Variants in ZBBX observed in about 807,000 individuals in gnomAD.
ZBBX encodes zinc finger B-box domain-containing protein 1.
ZBBX carries 101 observed loss-of-function variants against 108.5 expected under a neutral mutation model. The observed-to-expected ratio is 0.93, with a 90% CI of 0.79 to 1.10. ZBBX has a LOEUF of 1.10. Among genes scored for constraint, ZBBX ranks in the 50% least tolerant of loss-of-function variants. The pLI is 0.00. For missense variants in ZBBX, 1,009 were observed against 941.4 expected, an observed-to-expected ratio of 1.07 and a Z score of -0.94; for synonymous variants, 356 against 323.4, an observed-to-expected ratio of 1.10 and a Z score of -1.08.
At chr3:167,279,313 G>C (rs969080707) in intron 20 of ZBBX, among the ~76,000 whole-genome samples, 5 of 151,254 alleles carry the variant, frequency 3.3e-5, no homozygotes, top group East Asian at 1.9e-4. Context: ...AATTGTCCCT[G>C]TTTGCAGACG....
chr3:167,318,961 G>A (rs771585212), intron 12 of ZBBX, among the ~76,000 whole-genome samples: 42 of 151,926 alleles, frequency 2.8e-4, no homozygotes, highest in Non-Finnish European at 4.9e-4. Context: ...ACCAAGTGTT[G>A]GCAGGGATTT....
At chr3:167,391,032 G>A (rs1748070303) in intron 1 of ZBBX, among the ~76,000 whole-genome samples, 1 of 152,116 alleles carries the variant, frequency 6.6e-6, no homozygotes, top group African/African-American at 2.4e-5. Flanking sequence ...TTGAATACTA[G>A]TGGTGAGAGA....
At chr3:167,214,645 T>C in the ZBBX span, among the ~76,000 whole-genome samples, 8 of 152,112 alleles carry the variant, frequency 5.3e-5, no homozygotes, top group Non-Finnish European at 1.2e-4. Flanking sequence ...ATGGATCTGA[T>C]TGACCTCTGC....
intron 20 of ZBBX, among the ~76,000 whole-genome samples, chr3:167,280,639 CT>C (rs1728627459): frequency 1.3e-5 from 2 of 150,642 alleles, no homozygotes; most frequent in African/African-American, 4.9e-5. Context: ...AATAGGAACA[CT>C]TTTACACTGT....
At chr3:167,183,073 G>T in the ZBBX span, among the ~76,000 whole-genome samples, 1 of 152,180 alleles carries the variant, frequency 6.6e-6, no homozygotes, top group African/African-American at 2.4e-5. Flanking sequence ...TGGAGGGTTA[G>T]CCACTCTTTT....
the ZBBX span, among the ~76,000 whole-genome samples, chr3:167,220,835 G>A: frequency 2.6e-5 from 4 of 151,892 alleles, no homozygotes; most frequent in South Asian, 8.3e-4. Context: ...AAAGTCTAAA[G>A]ACCACCAAAA....
chr3:167,273,017 A>C (rs1281059109), intron 20 of ZBBX, among the ~76,000 whole-genome samples: 1 of 152,202 alleles, frequency 6.6e-6, no homozygotes, highest in African/African-American at 2.4e-5. Flanking sequence ...AGTCGCTTCT[A>C]TAACATAGGA....
At chr3:167,305,479 A>T (rs73879658) in intron 17 of ZBBX, among the ~76,000 whole-genome samples, 164 bp downstream of exon 17, 2,624 of 152,220 alleles carry the variant, frequency 0.017, 76 homozygotes, top group African/African-American at 0.06. Flanking sequence ...GAGGCCATTA[A>T]TGTTCTCTCC....
downstream of ZBBX, among the ~76,000 whole-genome samples, chr3:167,238,224 C>A (rs1217008643): frequency 6.6e-6 from 1 of 151,958 alleles, no homozygotes; most frequent in Non-Finnish European, 1.5e-5. Context: ...GGACAAGATG[C>A]CAAAAGGGCT....
chr3:167,248,577 T>C, intron 20 of ZBBX: 1 of 456,266 alleles, frequency 2.2e-6, no homozygotes. Flanking sequence ...TTTGAGACAC[T>C]CTAAACAGAT....
rs1446714169 is a variant in ZBBX, at chr3:167,288,974, T to A, written c.1889A>T (p.Glu630Val). The change falls in exon 19 of 22, where the codon GAA (glutamate) becomes GTA (valine). Residue 630 changes from glutamate to valine, a missense_variant. Physicochemically the swap from Glu to Val is moderately radical, Grantham distance 121 (BLOSUM62 -2). Coordinates refer to ENST00000675490, the MANE Select transcript of ZBBX (RefSeq NM_001199201.2). ...ACTTAAGCTATGGTCTGGAATCCAT[T>A]CTCTGTCTTCTGAAATTGAAAAACA... ...STRITLAEDR[E>V]WIPDHSLSEY... The A allele has an allele frequency of 6.5e-7, 1 of 1,528,948 alleles. No individual in the cohort carries two copies. The highest frequency in any genetic ancestry group is 2.5e-5 in the East Asian group (1 of 40,734). The allele number at this position is 1,528,948 out of a possible 1,614,324, so 94.7% of individuals were successfully genotyped here. A position where few individuals can be genotyped will look rare whatever the true frequency, so the allele number is the denominator to read the frequency against.
the ZBBX span, among the ~76,000 whole-genome samples, chr3:167,185,586 C>T: frequency 2.6e-5 from 4 of 152,086 alleles, no homozygotes; most frequent in East Asian, 7.7e-4. Context: ...TACTTAAGTC[C>T]TATTATTATC....
At chr3:167,306,018 A>C in intron 16 of ZBBX, 68 bp from the exon 17 acceptor site, 1 of 1,283,138 alleles carries the variant, frequency 7.8e-7, no homozygotes, top group Non-Finnish European at 1.0e-6. Context: ...CTGTTAATAA[A>C]CCAAAAGTTC....
intron 16 of ZBBX, among the ~76,000 whole-genome samples, chr3:167,312,054 T>C (rs1487088944): frequency 2.0e-5 from 3 of 152,206 alleles, no homozygotes; most frequent in Non-Finnish European, 4.4e-5. Context: ...ATAGGTGAAT[T>C]GATAAATAAA....
intron 20 of ZBBX, among the ~76,000 whole-genome samples, chr3:167,252,430 G>GCAGAGT (rs563865538): frequency 6.6e-6 from 1 of 152,142 alleles, no homozygotes; most frequent in Non-Finnish European, 1.5e-5. Flanking sequence ...AAGGCCTTGT[G>GCAGAGT]CAGAGTCAGT....
the ZBBX span, among the ~76,000 whole-genome samples, chr3:167,214,855 C>A: frequency 2.0e-5 from 3 of 151,960 alleles, no homozygotes; most frequent in Non-Finnish European, 2.9e-5. Context: ...CATGCAATTA[C>A]GTGGAAAGTA....
intron 8 of ZBBX, among the ~76,000 whole-genome samples, chr3:167,357,048 T>G (rs939527769): frequency 6.6e-6 from 1 of 152,108 alleles, no homozygotes; most frequent in African/African-American, 2.4e-5. Context: ...AGTAGGTAGA[T>G]TGAGCCAAAA....
At chr3:167,398,067 T>C (rs1219830082) in intron 1 of ZBBX, among the ~76,000 whole-genome samples, 1 of 151,794 alleles carries the variant, frequency 6.6e-6, no homozygotes, top group African/African-American at 2.4e-5. Flanking sequence ...ATGAATGTGC[T>C]ACAAGATGAG....
At chr3:167,384,868 G>C (rs566339723), upstream of ZBBX, among the ~76,000 whole-genome samples, 13 of 151,970 alleles carry the variant, frequency 8.6e-5, no homozygotes, top group Middle Eastern at 3.4e-3. Context: ...TACATCAGCT[G>C]GTAAAAAAGA....
Sources: allele counts gnomAD v4.1 joint callset (sites outside exome capture counted in the v4.1 genomes callset), GRCh38; gene constraint gnomAD v4.1.1; transcripts MANE v1.5; gene names NCBI Gene and HGNC (gene_info 2026-07-23, HGNC 2026-07-21).